Variants in UPK3B observed in about 807,000 individuals in gnomAD.
UPK3B encodes the protein uroplakin-3b.
UPK3B carries 21 observed loss-of-function variants against 27.6 expected under a neutral mutation model. The ratio of observed to expected loss-of-function variants is 0.76; its 90% CI spans 0.54 to 1.10. The LOEUF is 1.10. UPK3B is among the 50% of genes least tolerant of loss of function. The pLI is 0.00. For missense variants in UPK3B, 306 were observed against 376.1 expected, an observed-to-expected ratio of 0.81 and a Z score of 1.54; for synonymous variants, 141 against 162.3, an observed-to-expected ratio of 0.87 and a Z score of 1.00.
In UPK3B at chr7:76,513,862, G is replaced by T. The variant is rs532868514; in HGVS notation, c.542-85G>T. ...AGCCAGACCTTGAAGCTAGGCCAGC[G>T]TGGGTGGGGAGGGAGCGAGGGAGGA... On this transcript the variant is annotated intron_variant, in intron 4 of 5. Transcript: ENST00000334348. 4.4e-6 allele frequency: 7 copies of T among 1,592,666 alleles called. No individual in the cohort carries two copies. The Admixed American group carries it at 5.0e-5, about 11-fold the overall frequency.
chr7:76,515,308 CT>C lies in UPK3B; in HGVS notation c.*107del. 6.6e-7 allele frequency: 1 copy of C among 1,525,058 alleles called. No individual in the cohort carries two copies. The highest frequency in any genetic ancestry group is 1.2e-5 in the South Asian group (1 of 81,126). The allele number at this position is 1,525,058 out of a possible 1,614,324, so 94.5% of individuals were successfully genotyped here. On this transcript the variant is annotated 3_prime_UTR_variant, in exon 6 of 6. Transcript: ENST00000334348. ...CACAGGCCCCCTCAGGGCTCCTTGCCTTTCCCCCCCACCAGCACACCCCGTA... is the reference window on the plus strand; with the variant it reads ...CACAGGCCCCCTCAGGGCTCCTTGCCTTCCCCCCCACCAGCACACCCCGTA...
chr7:76,513,004 C>A, intron 3 of UPK3B, 80 bp from the exon 4 acceptor site: 1 of 1,204,652 alleles, frequency 8.3e-7, no homozygotes, highest in East Asian at 2.5e-5. Context: ...CCCAGAGGAG[C>A]TGCCTGGGGC....
At chr7:76,513,878 C>T (rs1467794979) in intron 4 of UPK3B, 69 bp from the exon 5 acceptor site, 14 of 1,602,332 alleles carry the variant, frequency 8.7e-6, no homozygotes, top group African/African-American at 2.7e-5. Context: ...GGGGAGGGAG[C>T]GAGGGAGGAG....
chr7:76,513,038 A>G lies in UPK3B; in HGVS notation c.462-46A>G, dbSNP rs11762398. 5.3e-4 allele frequency: 816 copies of G among 1,552,320 alleles called. 4 individuals are homozygous for G. Among genetic ancestry groups the G allele is most frequent in the South Asian group, 1.4e-3 (118 of 86,058 alleles). On this transcript the variant is annotated intron_variant, in intron 3 of 5. Transcript: ENST00000334348. ...GCTTGGCCCTGCCCAGGGTGGTCCC[A>G]GCCTCTGAAGCTCTCCCCTCCTCCC...
intron 3 of UPK3B, among the ~76,000 whole-genome samples, chr7:76,512,218 C>T (rs146825601): frequency 0.12 from 10,298 of 86,870 alleles, no homozygotes; most frequent in African/African-American, 0.16. Context: ...CCAGTCTCGT[C>T]GGTATTAGGC....
In UPK3B at chr7:76,510,862, G is replaced by C. The variant is rs760111944; in HGVS notation, c.86-41G>C. The C allele has an allele frequency of 2.5e-6, 4 of 1,598,992 alleles. No homozygotes were observed. In the African/African-American group the frequency reaches 5.4e-5, roughly 21 times the overall value. On this transcript the variant is annotated intron_variant, in intron 1 of 5. Coordinates refer to ENST00000334348, the MANE Select transcript of UPK3B (RefSeq NM_001347684.2). ...GAGAGGCAGCCCCAGGGACCCCCACGCCCGTCTCCGTGGCTCACCTTTTGT... is the reference window on the plus strand; with the variant it reads ...GAGAGGCAGCCCCAGGGACCCCCACCCCCGTCTCCGTGGCTCACCTTTTGT...
Position 76,510,688 on chromosome 7 carries a change from GC to G in UPK3B, c.37del (p.Gln13ArgfsTer7), listed in dbSNP as rs1316812476. The G allele has an allele frequency of 4.7e-6, 7 of 1,502,288 alleles. No homozygotes were observed. Among genetic ancestry groups the G allele is most frequent in the Non-Finnish European group, 5.3e-6 (6 of 1,123,408 alleles). 93.1% of individuals were successfully genotyped at this position (1,502,288 alleles called of 1,614,324 possible). A position where few individuals can be genotyped will look rare whatever the true frequency, so the allele number is the denominator to read the frequency against. On this transcript the variant is annotated frameshift_variant, in exon 1 of 6. Transcript: ENST00000334348. LOFTEE classifies it high-confidence loss of function. ...LPWGQPHLGL[Q>X]MLLLALNCLR... ...CCTGGGGGCAGCCTCACCTAGGGCT[GC>G]AGATGCTCCTCCTGGCGTTGAACTG...
intron 4 of UPK3B, 37 bp from the exon 5 acceptor site, chr7:76,513,910 G>A (rs767556627): frequency 2.2e-5 from 36 of 1,612,048 alleles, no homozygotes; most frequent in African/African-American, 4.0e-5. Context: ...CCCTGGGGTC[G>A]AGGGGCAGCC....
intron 4 of UPK3B, among the ~76,000 whole-genome samples, chr7:76,513,608 G>T (rs1812617252): frequency 6.6e-6 from 1 of 152,086 alleles, no homozygotes; most frequent in Admixed American, 6.6e-5. Flanking sequence ...GGGTCTCCTG[G>T]GAGACGGCTT....
chr7:76,511,476 C>T (rs556662396), intron 2 of UPK3B, 181 bp from the exon 3 acceptor site: 226 of 713,750 alleles, frequency 3.2e-4, no homozygotes, highest in Admixed American at 8.2e-4. Context: ...GACAAAAGGC[C>T]AGAGGGAAGC....
intron 2 of UPK3B, 56 bp from the exon 3 acceptor site, chr7:76,511,601 A>T: frequency 7.1e-7 from 1 of 1,416,528 alleles, no homozygotes; most frequent in South Asian, 1.2e-5. Context: ...ACCCCCACTC[A>T]TAAGGACAAA....
At position 76,510,605 on chromosome 7, in the gene UPK3B, C is replaced by G. The variant is rs772140542; in HGVS notation, c.-48C>G. 7.1e-6 allele frequency: 10 copies of G among 1,412,168 alleles called. No homozygotes were observed. The highest frequency in any genetic ancestry group is 8.4e-6 in the Non-Finnish European group (9 of 1,075,752). 87.5% of individuals were successfully genotyped at this position (1,412,168 alleles called of 1,614,324 possible). ...AAGCTGTTGGGGGTGAGGTGCAGCC[C>G]GAAGCAGCCAGACCAGCCCCTGAGC... On this transcript the variant is annotated 5_prime_UTR_variant, in exon 1 of 6. Transcript: ENST00000334348.
chr7:76,513,418 G>C (rs1427994993), intron 4 of UPK3B, among the ~76,000 whole-genome samples: 1 of 152,200 alleles, frequency 6.6e-6, no homozygotes, highest in African/African-American at 2.4e-5. Flanking sequence ...CCCTCCTGTA[G>C]GGAGTCAGCC....
chr7:76,513,811 C>A, intron 4 of UPK3B, 136 bp from the exon 5 acceptor site: 2 of 1,338,716 alleles, frequency 1.5e-6, no homozygotes, highest in Non-Finnish European at 2.1e-6. Context: ...GGGGTGGGAT[C>A]AGGGGGGCGC....
intron 1 of UPK3B, 27 bp from the exon 2 acceptor site, chr7:76,510,876 C>T: frequency 6.3e-7 from 1 of 1,596,418 alleles, no homozygotes; most frequent in Non-Finnish European, 8.5e-7. Context: ...GTCTCCGTGG[C>T]TCACCTTTTG....
intron 5 of UPK3B, among the ~76,000 whole-genome samples, chr7:76,514,368 A>G (rs989014941): frequency 4.6e-5 from 7 of 151,984 alleles, no homozygotes; most frequent in African/African-American, 1.4e-4. Context: ...CACCCTGAGT[A>G]TCTCGCACCT....
At chr7:76,512,944 A>G in intron 3 of UPK3B, 140 bp from the exon 4 acceptor site, 1 of 676,864 alleles carries the variant, frequency 1.5e-6, no homozygotes, top group Non-Finnish European at 2.6e-6. Context: ...GGGCCAGGCC[A>G]TGGGCTGCTG....
chr7:76,510,771 A>G, intron 1 of UPK3B, 34 bp downstream of exon 1: 2 of 1,573,394 alleles, frequency 1.3e-6, no homozygotes, highest in East Asian at 2.3e-5. Flanking sequence ...GCGTCCAGCC[A>G]GACCCAAGGG....
Position 76,515,583 on chromosome 7 carries a change from CTG to C in UPK3B, c.*382_*383del. 1.5e-6 allele frequency: 1 copy of C among 673,058 alleles called. No homozygotes were observed. The highest frequency in any genetic ancestry group is 1.8e-6 in the Non-Finnish European group (1 of 568,822). The allele number at this position is 673,058 out of a possible 1,614,324, so 41.7% of individuals were successfully genotyped here. On this transcript the variant is annotated 3_prime_UTR_variant, in exon 6 of 6. Transcript: ENST00000334348. ...ACCCTGGGAGGAGGCCTGCAGAGGA[CTG>C]TGCTTTGCCTGATGCAGGGAGCTGG...
Sources: gnomAD v4.1 joint callset for allele counts (sites outside exome capture counted in the v4.1 genomes callset) on GRCh38, gnomAD v4.1.1 for gene constraint, MANE v1.5 for transcripts, NCBI Gene and HGNC (gene_info 2026-07-23, HGNC 2026-07-21) for gene names.